Variants in UNCX observed in about 807,000 individuals in gnomAD.
UNCX encodes homeobox protein unc-4 homolog.
Under a neutral mutation model 14.8 loss-of-function variants are expected in UNCX, and 4 were observed. That is an observed-to-expected ratio of 0.27 (90% CI 0.13 to 0.62). UNCX has a LOEUF of 0.62. Among genes scored for constraint, UNCX ranks in the 20% least tolerant of loss-of-function variants. UNCX has a pLI of 0.86. For missense variants in UNCX, 749 were observed against 786.8 expected (o/e 0.95, Z 0.58); for synonymous variants, 459 against 395.8 (o/e 1.16, Z -1.90).
Position 1,236,782 on chromosome 7 carries a change from G to C in UNCX, c.1401G>C (p.Ala467=). 1.0e-6 allele frequency: 1 copy of C among 987,114 alleles called. No individual in the cohort carries two copies. The highest frequency in any genetic ancestry group is 1.1e-4 in the East Asian group (1 of 8,856). 61.1% of individuals were successfully genotyped at this position (987,114 alleles called of 1,614,324 possible). The change falls in exon 3 of 3, where the codon GCG becomes GCC. Residue 467 remains alanine (A), a synonymous_variant. Transcript: ENST00000316333. The surrounding 1 kb of genome is among the most constrained non-coding windows in gnomAD (Gnocchi z 6.9). ...CTTTCCGGGACCTCGCCTCGGCAGC[G>C]GCTACCGAGGGCGGCGGCGGGGACT... The part of the protein sequence containing the change: ...PAPFRDLASA[A]ATEGGGGDCA...
In UNCX at chr7:1,233,424, C is replaced by CA. The variant is rs942541015; in HGVS notation, c.275-96_275-95insA. The CA allele has an allele frequency of 2.2e-5, 31 of 1,382,930 alleles. No individual in the cohort carries two copies. Among genetic ancestry groups the CA allele is most frequent in the Middle Eastern group, 2.7e-4 (1 of 3,762 alleles). 85.7% of individuals were successfully genotyped at this position (1,382,930 alleles called of 1,614,324 possible). On this transcript the variant is annotated intron_variant, in intron 1 of 2. Coordinates refer to ENST00000316333, the MANE Select transcript of UNCX (RefSeq NM_001080461.3). The surrounding 1 kb of genome is among the most constrained non-coding windows in gnomAD (Gnocchi z 5.3). ...AGGCGGCCGTCTCTGCGCCCCCCCC[C>CA]CCGGATCCAGGCGGCCAGCGGGTAG...
rs1198853682 is a variant in UNCX at position 1,236,304 on chromosome 7, C to T, written c.923C>T (p.Ala308Val). The change falls in exon 3 of 3, where the codon GCC becomes GTC. Residue 308 changes from alanine to valine, a missense_variant. Transcript: ENST00000316333. The surrounding 1 kb of genome is among the most constrained non-coding windows in gnomAD (Gnocchi z 6.9). Reference sequence around the variant, plus strand: ...GGTCGCCCTGCGGACAAGGACGCGGCCTCGTGCGGGCCAGGGGCCGCTGTG... The same window carrying T: ...GGTCGCCCTGCGGACAAGGACGCGGTCTCGTGCGGGCCAGGGGCCGCTGTG... ...RPGRPADKDA[A>V]SCGPGAAVAA... The T allele has an allele frequency of 1.5e-6, 2 of 1,352,804 alleles. No homozygotes were observed. The highest frequency in any genetic ancestry group is 1.5e-5 in the South Asian group (1 of 66,314). The allele number at this position is 1,352,804 out of a possible 1,614,324, so 83.8% of individuals were successfully genotyped here. A position where few individuals can be genotyped will look rare whatever the true frequency, so the allele number is the denominator to read the frequency against.
In UNCX at chr7:1,236,232, C is replaced by A; in HGVS notation, c.851C>A (p.Ala284Asp). 7.3e-7 allele frequency: 1 copy of A among 1,363,212 alleles called. No individual in the cohort carries two copies. The highest frequency in any genetic ancestry group is 9.5e-7 in the Non-Finnish European group (1 of 1,048,822). The allele number at this position is 1,363,212 out of a possible 1,614,324, so 84.4% of individuals were successfully genotyped here. A position where few individuals can be genotyped will look rare whatever the true frequency, so the allele number is the denominator to read the frequency against. Reference sequence around the variant, plus strand: ...CCTGCACCCGGCACCTGCGACCCCGCCTTCTACCCGAGCCAAAGAAGCGGC... The same window carrying A: ...CCTGCACCCGGCACCTGCGACCCCGACTTCTACCCGAGCCAAAGAAGCGGC... ...EPPAPGTCDP[A>D]FYPSQRSGAG... The change falls in exon 3 of 3, where the codon GCC becomes GAC. Residue 284 changes from alanine to aspartate, a missense_variant. Physicochemically the swap from Ala to Asp is moderately radical, Grantham distance 126. Around this residue, in one of 3 missense-constraint regions of UNCX, gnomAD observed 552 missense variants for 507.2 expected, o/e 1.09. Transcript: ENST00000316333. This position sits in a 1 kb window ranked among gnomAD's most constrained non-coding sequence, Gnocchi z 6.9.
At chr7:1,234,224 G>A (rs1159077961) in intron 2 of UNCX, among the ~76,000 whole-genome samples, 1 of 152,240 alleles carries the variant, frequency 6.6e-6, no homozygotes, top group African/African-American at 2.4e-5. Context: ...AACAGCTGAG[G>A]AAGGGGAGGC....
chr7:1,235,676 G>C (rs756655098), intron 2 of UNCX, among the ~76,000 whole-genome samples, 156 bp from the exon 3 acceptor site: 16 of 152,350 alleles, frequency 1.1e-4, no homozygotes, highest in Middle Eastern at 3.4e-3. Context: ...CAGTGGCAAA[G>C]CCCAGCTCAG....
At chr7:1,234,402 G>T (rs2128272493) in intron 2 of UNCX, among the ~76,000 whole-genome samples, 1 of 152,176 alleles carries the variant, frequency 6.6e-6, no homozygotes, top group East Asian at 1.9e-4. Context: ...CAGCTTGGTG[G>T]ATTAAAAATT....
In UNCX at chr7:1,234,875, G is replaced by T. The variant is rs576033505; in HGVS notation, c.451-957G>T. Among the ~76,000 whole-genome samples, 11 of 151,984 alleles carry T rather than the reference G, an allele frequency of 7.2e-5. No individual in the cohort carries two copies. In the South Asian group the frequency reaches 2.3e-3, roughly 32 times the overall value. ...CTGCGACAAGGCTGGGCCTGCTATTGTGCAAGTCTCTGTGTGGCCGCGACA... is the reference window on the plus strand; with the variant it reads ...CTGCGACAAGGCTGGGCCTGCTATTTTGCAAGTCTCTGTGTGGCCGCGACA... On this transcript the variant is annotated intron_variant, in intron 2 of 2. Transcript: ENST00000316333.
Position 1,233,824 on chromosome 7 carries a change from G to A in UNCX, c.450+129G>A. ...GGCCCGCTTCGCGCTCGCCTGCTGG[G>A]GAAGAGTGGAGGGGTGGGGGTTCTG... On this transcript the variant is annotated intron_variant, in intron 2 of 2. Coordinates refer to ENST00000316333, the MANE Select transcript of UNCX (RefSeq NM_001080461.3). The surrounding 1 kb of genome is among the most constrained non-coding windows in gnomAD (Gnocchi z 5.3). The A allele has an allele frequency of 3.3e-6, 4 of 1,221,774 alleles. No individual in the cohort carries two copies. The highest frequency in any genetic ancestry group is 4.4e-6 in the Non-Finnish European group (4 of 903,886). 75.7% of individuals were successfully genotyped at this position (1,221,774 alleles called of 1,614,324 possible). A position where few individuals can be genotyped will look rare whatever the true frequency, so the allele number is the denominator to read the frequency against.
In UNCX at chr7:1,236,680, C is replaced by G. The variant is rs1778749485; in HGVS notation, c.1299C>G (p.Gly433=). 8.9e-6 allele frequency: 9 copies of G among 1,008,718 alleles called. No individual in the cohort carries two copies. The highest frequency in any genetic ancestry group is 5.0e-4 in the Middle Eastern group (1 of 2,018). 62.5% of individuals were successfully genotyped at this position (1,008,718 alleles called of 1,614,324 possible). ...ASFGAFSGPG[G]APDSAFARRS... ...TCGGGGCCTTCTCGGGGCCCGGCGGCGCCCCGGACTCGGCCTTCGCGCGTC... is the reference window on the plus strand; with the variant it reads ...TCGGGGCCTTCTCGGGGCCCGGCGGGGCCCCGGACTCGGCCTTCGCGCGTC... Residue 433 remains glycine (G), a synonymous_variant, in exon 3 of 3, where the codon GGC becomes GGG. Coordinates refer to ENST00000316333, the MANE Select transcript of UNCX (RefSeq NM_001080461.3). The surrounding 1 kb of genome is among the most constrained non-coding windows in gnomAD (Gnocchi z 6.9).
chr7:1,236,893 G>A lies in UNCX; in HGVS notation c.1512G>A (p.Glu504=), dbSNP rs1421402809. 6.2e-6 allele frequency: 7 copies of A among 1,134,900 alleles called. No homozygotes were observed. The highest frequency in any genetic ancestry group is 7.6e-6 in the Non-Finnish European group (7 of 926,744). 70.3% of individuals were successfully genotyped at this position (1,134,900 alleles called of 1,614,324 possible). ...RPGPRPPSPA[E]EPATCGVPEP... is the part of the protein sequence containing the mutation. The stretch of plus-strand genomic sequence containing the variant: ...GCCCTCGGCCTCCCAGCCCCGCCGA[G>A]GAGCCGGCCACCTGCGGGGTTCCCG... The change falls in exon 3 of 3, where the codon GAG becomes GAA. Residue 504 remains glutamate (E), a synonymous_variant. Transcript: ENST00000316333. The surrounding 1 kb of genome is among the most constrained non-coding windows in gnomAD (Gnocchi z 6.9).
Position 1,236,430 on chromosome 7 carries a change from ACGCCGCCGC to A in UNCX, c.1062_1070del (p.Ala355_Ala357del), listed in dbSNP as rs768648477. The A allele has an allele frequency of 1.9e-5, 26 of 1,357,068 alleles. 1 individual carries two copies. In the East Asian group the frequency reaches 2.8e-4, roughly 15 times the overall value. The allele number at this position is 1,357,068 out of a possible 1,614,324, so 84.1% of individuals were successfully genotyped here. Reference sequence around the variant, plus strand: ...CCGCCGCGCCGGAAAGCCGCTTCCAACGCCGCCGCCGCCGCCGCCGCGGGGCTGGACTTC... The same window carrying A: ...CCGCCGCGCCGGAAAGCCGCTTCCAACGCCGCCGCCGCGGGGCTGGACTTC... On this transcript the variant is annotated inframe_deletion, in exon 3 of 3. Transcript: ENST00000316333. This position sits in a 1 kb window ranked among gnomAD's most constrained non-coding sequence, Gnocchi z 6.9.
chr7:1,236,204 C>G lies in UNCX; in HGVS notation c.823C>G (p.Pro275Ala), dbSNP rs2128272833. ...GACCGCGCCCGCCCCTCCCGGCGAG[C>G]CGCCTGCACCCGGCACCTGCGACCC... Reference protein sequence around the residue: ...AGTAPAPPGEPPAPGTCDPAF... With the variant: ...AGTAPAPPGEAPAPGTCDPAF... Residue 275 changes from proline (P) to alanine (A), a missense_variant, in exon 3 of 3, where the codon CCG becomes GCG. Physicochemically the swap from Pro to Ala is conservative, Grantham distance 27. Coordinates refer to ENST00000316333, the MANE Select transcript of UNCX (RefSeq NM_001080461.3). The surrounding 1 kb of genome is among the most constrained non-coding windows in gnomAD (Gnocchi z 6.9). 2 of 1,317,710 alleles carry G rather than the reference C, an allele frequency of 1.5e-6. No homozygotes were observed. The highest frequency in any genetic ancestry group is 1.5e-5 in the South Asian group (1 of 68,598). 81.6% of individuals were successfully genotyped at this position (1,317,710 alleles called of 1,614,324 possible).
Position 1,233,798 on chromosome 7 carries a change from G to T in UNCX, c.450+103G>T, listed in dbSNP as rs1778689999. The T allele has an allele frequency of 1.5e-5, 21 of 1,410,800 alleles. No homozygotes were observed. Among genetic ancestry groups the T allele is most frequent in the Non-Finnish European group, 1.9e-5 (20 of 1,059,284 alleles). 87.4% of individuals were successfully genotyped at this position (1,410,800 alleles called of 1,614,324 possible). On this transcript the variant is annotated intron_variant, in intron 2 of 2. Coordinates refer to ENST00000316333, the MANE Select transcript of UNCX (RefSeq NM_001080461.3). The surrounding 1 kb of genome is among the most constrained non-coding windows in gnomAD (Gnocchi z 5.3). Reference sequence around the variant, plus strand: ...TGGCGAGATATCGTCCCCTTGCCGCGGGCCCGCTTCGCGCTCGCCTGCTGG... The same window carrying T: ...TGGCGAGATATCGTCCCCTTGCCGCTGGCCCGCTTCGCGCTCGCCTGCTGG...
chr7:1,236,299 CGCG>C lies in UNCX; in HGVS notation c.921_923del (p.Ala308del). 7.3e-7 allele frequency: 1 copy of C among 1,363,250 alleles called. No individual in the cohort carries two copies. The highest frequency in any genetic ancestry group is 9.5e-7 in the Non-Finnish European group (1 of 1,053,364). The allele number at this position is 1,363,250 out of a possible 1,614,324, so 84.4% of individuals were successfully genotyped here. On this transcript the variant is annotated inframe_deletion, in exon 3 of 3. Transcript: ENST00000316333. This position sits in a 1 kb window ranked among gnomAD's most constrained non-coding sequence, Gnocchi z 6.9. The stretch of plus-strand genomic sequence containing the variant: ...GCCCAGGTCGCCCTGCGGACAAGGA[CGCG>C]GCCTCGTGCGGGCCAGGGGCCGCTG...
rs1778765457 is a variant in UNCX at position 1,237,219 on chromosome 7, GCC to G, written c.*246_*247del. 4.9e-6 allele frequency: 1 copy of G among 204,630 alleles called. No homozygotes were observed. The highest frequency in any genetic ancestry group is 1.1e-4 in the East Asian group (1 of 9,134). The allele number at this position is 204,630 out of a possible 1,614,324, so 12.7% of individuals were successfully genotyped here. ...CCCAAGAGAGCAAAAAGGACCCATG[GCC>G]CCCAAAAAACCCCACAACGAGAATC... On this transcript the variant is annotated 3_prime_UTR_variant, in exon 3 of 3. Transcript: ENST00000316333. The surrounding 1 kb of genome is among the most constrained non-coding windows in gnomAD (Gnocchi z 5.8).
Position 1,236,186 on chromosome 7 carries a change from C to A in UNCX, c.805C>A (p.Pro269Thr). The A allele has an allele frequency of 7.8e-7, 1 of 1,281,898 alleles. No homozygotes were observed. Among genetic ancestry groups the A allele is most frequent in the South Asian group, 1.5e-5 (1 of 64,838 alleles). 79.4% of individuals were successfully genotyped at this position (1,281,898 alleles called of 1,614,324 possible). Residue 269 changes from proline (P) to threonine (T), a missense_variant, in exon 3 of 3, where the codon CCC (proline) becomes ACC (threonine). Pro to Thr is a conservative substitution (Grantham distance 38, BLOSUM62 -1). Transcript: ENST00000316333. The surrounding 1 kb of genome is among the most constrained non-coding windows in gnomAD (Gnocchi z 6.9). The part of the protein sequence containing the change: ...AHASGAAGTA[P>T]APPGEPPAPG... ...CGCCTCGGGCGCCGCGGGGACCGCG[C>A]CCGCCCCTCCCGGCGAGCCGCCTGC... is the stretch of plus-strand genomic sequence containing the variant.
chr7:1,236,588 G>A lies in UNCX; in HGVS notation c.1207G>A (p.Glu403Lys). The A allele has an allele frequency of 2.5e-6, 3 of 1,206,312 alleles. No individual in the cohort carries two copies. The South Asian group carries it at 7.4e-5, about 30-fold the overall frequency. 74.7% of individuals were successfully genotyped at this position (1,206,312 alleles called of 1,614,324 possible). ...QAALKGGAGL[E>K]PAPKDAPPAP... ...CGCGCTCAAGGGCGGCGCGGGCCTG[G>A]AGCCGGCGCCCAAGGACGCGCCGCC... is the stretch of plus-strand genomic sequence containing the variant. Residue 403 changes from glutamate to lysine, a missense_variant, in exon 3 of 3, where the codon GAG (glutamate) becomes AAG (lysine). Coordinates refer to ENST00000316333, the MANE Select transcript of UNCX (RefSeq NM_001080461.3). This position sits in a 1 kb window ranked among gnomAD's most constrained non-coding sequence, Gnocchi z 6.9.
Position 1,233,336 on chromosome 7 carries a change from C to A in UNCX, c.274+45C>A, listed in dbSNP as rs929933050. 3.0e-5 allele frequency: 38 copies of A among 1,270,962 alleles called. No homozygotes were observed. In the East Asian group the frequency reaches 1.2e-3, roughly 41 times the overall value. 78.7% of individuals were successfully genotyped at this position (1,270,962 alleles called of 1,614,324 possible). A position where few individuals can be genotyped will look rare whatever the true frequency, so the allele number is the denominator to read the frequency against. ...GGGCGGGGAGGAGTGCGGCTGGGGG[C>A]GGGGGCCCTGGTCCGGCCGAGGCGC... On this transcript the variant is annotated intron_variant, in intron 1 of 2. Coordinates refer to ENST00000316333, the MANE Select transcript of UNCX (RefSeq NM_001080461.3). The surrounding 1 kb of genome is among the most constrained non-coding windows in gnomAD (Gnocchi z 5.3).
chr7:1,234,848 C>T (rs1166472271), intron 2 of UNCX, among the ~76,000 whole-genome samples: 1 of 151,598 alleles, frequency 6.6e-6, no homozygotes, highest in African/African-American at 2.4e-5. Context: ...GGACAAGGCT[C>T]CCTGCGACAA....
Sources: allele counts gnomAD v4.1 joint callset (sites outside exome capture counted in the v4.1 genomes callset), GRCh38; gene constraint gnomAD v4.1.1; regional missense constraint gnomAD v4.1.1; non-coding constraint Gnocchi (gnomAD v3.1); transcripts MANE v1.5; gene names NCBI Gene and HGNC (gene_info 2026-07-23, HGNC 2026-07-21).